ZNF223: variants seen among roughly 807,000 people sequenced by gnomAD.
ZNF223 encodes Homo sapiens zinc finger protein 223.
ZNF223 carries 9 observed loss-of-function variants against 12.3 expected under a neutral mutation model. That is an observed-to-expected ratio of 0.73 (90% CI 0.44 to 1.28). ZNF223 has a LOEUF of 1.28. Among genes scored for constraint, ZNF223 ranks in the 50% most tolerant of loss-of-function variants. The probability of loss-of-function intolerance (pLI) is 0.00; values close to 1 mark genes in which losing one functional copy is unlikely to be tolerated. For missense variants in ZNF223, 506 were observed against 579.0 expected, an observed-to-expected ratio of 0.87 and a Z score of 1.29; for synonymous variants, 171 against 195.2, an observed-to-expected ratio of 0.88 and a Z score of 1.03.
intron 2 of ZNF223, among the ~76,000 whole-genome samples, chr19:44,056,688 G>C (rs1976772859): frequency 7.4e-6 from 1 of 135,430 alleles, no homozygotes; most frequent in Admixed American, 8.0e-5. Flanking sequence ...CTGCCTCCCG[G>C]GTTTACGCCG....
rs540846802 is a variant in ZNF223, at chr19:44,066,364, A to G, written c.536A>G (p.Asp179Gly). ...IRSAEKSHSCDECGKSFCYIS... is the reference protein window; with the variant it reads ...IRSAEKSHSCGECGKSFCYIS... ...TCAGCAGAGAAGTCTCATTCCTGTGATGAGTGTGGAAAAAGCTTCTGTTAC... is the reference window on the plus strand; with the variant it reads ...TCAGCAGAGAAGTCTCATTCCTGTGGTGAGTGTGGAAAAAGCTTCTGTTAC... Residue 179 changes from aspartate (D) to glycine (G), a missense_variant, in exon 5 of 5, where the codon GAT becomes GGT. By Grantham distance (94) the Asp-to-Gly change is moderately conservative (BLOSUM62 -1). Coordinates refer to ENST00000434772, the MANE Select transcript of ZNF223 (RefSeq NM_013361.6). 7 of 1,614,226 alleles carry G rather than the reference A, an allele frequency of 4.3e-6. No individual in the cohort carries two copies. In the Admixed American group the frequency reaches 8.3e-5, roughly 19 times the overall value.
chr19:44,053,494 G>A (rs920348294), intron 1 of ZNF223, among the ~76,000 whole-genome samples: 10 of 152,166 alleles, frequency 6.6e-5, no homozygotes, highest in African/African-American at 2.2e-4. Context: ...CAGTATTGCC[G>A]CCAGTATGTC....
intron 2 of ZNF223, 97 bp downstream of exon 2, chr19:44,055,288 C>A: frequency 7.2e-7 from 1 of 1,384,760 alleles, no homozygotes; most frequent in Non-Finnish European, 1.0e-6. Flanking sequence ...AGGAGAACAG[C>A]AGGACTTTGA....
intron 4 of ZNF223, among the ~76,000 whole-genome samples, chr19:44,064,227 C>T (rs1038529596): frequency 6.6e-6 from 1 of 152,176 alleles, no homozygotes; most frequent in Non-Finnish European, 1.5e-5. Flanking sequence ...AACTTTATTT[C>T]AGCTCACTGA....
At chr19:44,060,918 C>A in intron 4 of ZNF223, 77 bp downstream of exon 4, 1 of 1,367,748 alleles carries the variant, frequency 7.3e-7, no homozygotes, top group Non-Finnish European at 1.0e-6. Context: ...ACTCCATTAC[C>A]TTCTTCTAAA....
At position 44,060,750 on chromosome 19, in the gene ZNF223, G is replaced by A. The variant is rs770481478; in HGVS notation, c.144G>A (p.Gly48=). ...GCATGTGACTTTTCCTGTTTACAGG[G>A]CATCAACCATTCCACCGAGATACTT... ...LENFRNLLSV[G]HQPFHRDTFH... Residue 48 remains glycine, a splice_region_variant and synonymous_variant, in exon 4 of 5, where the codon GGG becomes GGA. Transcript: ENST00000434772. 27 of 1,612,562 alleles carry A rather than the reference G, an allele frequency of 1.7e-5. No individual in the cohort carries two copies. The highest frequency in any genetic ancestry group is 5.4e-5 in the African/African-American group (4 of 74,420).
At chr19:44,061,045 G>T in intron 4 of ZNF223, 1 of 517,956 alleles carries the variant, frequency 1.9e-6, no homozygotes, top group Non-Finnish European at 3.5e-6. Context: ...CTTAGGACAT[G>T]GATGTCAGAT....
chr19:44,067,028 T>C lies in ZNF223; in HGVS notation c.1200T>C (p.Tyr400=), dbSNP rs775894876. The C allele has an allele frequency of 6.2e-7, 1 of 1,613,106 alleles. No homozygotes were observed. Among genetic ancestry groups the C allele is most frequent in the South Asian group, 1.1e-5 (1 of 91,042 alleles). The stretch of plus-strand genomic sequence containing the variant: ...GAGCCCACACAGGAGAGAGACCTTA[T>C]AACTGTGATGACTGTGGGAAGAGCT... The part of the protein sequence containing the change: ...HHRAHTGERP[Y]NCDDCGKSFR... The change falls in exon 5 of 5, where the codon TAT becomes TAC. Residue 400 remains tyrosine (Y), a synonymous_variant. Coordinates refer to ENST00000434772, the MANE Select transcript of ZNF223 (RefSeq NM_013361.6).
chr19:44,064,075 A>G, intron 4 of ZNF223, among the ~76,000 whole-genome samples: 1 of 152,230 alleles, frequency 6.6e-6, no homozygotes, highest in East Asian at 1.9e-4. Flanking sequence ...CTCTTTCAGT[A>G]TAACCTGGAC....
At chr19:44,054,237 A>G (rs1246559532) in intron 1 of ZNF223, among the ~76,000 whole-genome samples, 1 of 151,644 alleles carries the variant, frequency 6.6e-6, no homozygotes, top group Non-Finnish European at 1.5e-5. Context: ...CAATGGTGCA[A>G]TAGGATGCCC....
intron 2 of ZNF223, among the ~76,000 whole-genome samples, chr19:44,057,992 C>T (rs575666165): frequency 6.6e-6 from 1 of 152,306 alleles, no homozygotes; most frequent in South Asian, 2.1e-4. Flanking sequence ...CAGATGGAAT[C>T]TTGACTGTAT....
intron 2 of ZNF223, among the ~76,000 whole-genome samples, chr19:44,056,189 C>T (rs1976760552): frequency 6.6e-6 from 1 of 151,886 alleles, no homozygotes; most frequent in Non-Finnish European, 1.5e-5. Context: ...TTCTTATCTC[C>T]AAATTCCTCC....
chr19:44,055,079 C>A, intron 1 of ZNF223, 30 bp from the exon 2 acceptor site: 1 of 1,281,712 alleles, frequency 7.8e-7, no homozygotes, highest in Non-Finnish European at 1.1e-6. Flanking sequence ...CCTTTCATGT[C>A]TCTTTTTCTG....
intron 2 of ZNF223, among the ~76,000 whole-genome samples, chr19:44,059,751 G>T (rs1199896513): frequency 6.6e-6 from 1 of 152,194 alleles, no homozygotes; most frequent in East Asian, 1.9e-4. Flanking sequence ...CAGTTGTTCA[G>T]TCAGGAAGGG....
Position 44,060,597 on chromosome 19 carries a change from T to C in ZNF223, c.142+16T>C. The C allele has an allele frequency of 6.2e-7, 1 of 1,614,008 alleles. No individual in the cohort carries two copies. Among genetic ancestry groups the C allele is most frequent in the Non-Finnish European group, 8.5e-7 (1 of 1,179,952 alleles). ...CTGTCAGTGGGTGAGGACAGGCATC[T>C]TCTATAAGGGAATGTCAGGCCCCAG... On this transcript the variant is annotated intron_variant, in intron 3 of 4. Coordinates refer to ENST00000434772, the MANE Select transcript of ZNF223 (RefSeq NM_013361.6).
chr19:44,063,211 G>A (rs376982718), intron 4 of ZNF223: 1 of 152,190 alleles, frequency 6.6e-6, no homozygotes, highest in African/African-American at 2.4e-5. Context: ...CATCTTTGCG[G>A]GCAGGAACTT....
At chr19:44,064,265 A>T (rs1468505477) in intron 4 of ZNF223, among the ~76,000 whole-genome samples, 3 of 152,194 alleles carry the variant, frequency 2.0e-5, no homozygotes, top group African/African-American at 4.8e-5. Flanking sequence ...AAAAACAGTT[A>T]AAAAGGCCTG....
Position 44,067,490 on chromosome 19 carries a change from T to TA in ZNF223, c.*214dup, listed in dbSNP as rs1168083699. 1 of 655,672 alleles carries TA rather than the reference T, an allele frequency of 1.5e-6. No individual in the cohort carries two copies. Among genetic ancestry groups the TA allele is most frequent in the Non-Finnish European group, 2.7e-6 (1 of 370,748 alleles). The allele number at this position is 655,672 out of a possible 1,614,324, so 40.6% of individuals were successfully genotyped here. A position where few individuals can be genotyped will look rare whatever the true frequency, so the allele number is the denominator to read the frequency against. ...GCAGAACAGCAGAACTTCTTCCTCT[T>TA]ATCTACCTGTACTTTTGCATCCATT... On this transcript the variant is annotated 3_prime_UTR_variant, in exon 5 of 5. Coordinates refer to ENST00000434772, the MANE Select transcript of ZNF223 (RefSeq NM_013361.6).
chr19:44,060,346 C>G, intron 2 of ZNF223, 109 bp from the exon 3 acceptor site: 2 of 1,518,970 alleles, frequency 1.3e-6, no homozygotes, highest in East Asian at 2.3e-5. Context: ...ACCTACATCT[C>G]TGAAGATCCT....
Sources: gnomAD v4.1 joint callset for allele counts (sites outside exome capture counted in the v4.1 genomes callset) on GRCh38, gnomAD v4.1.1 for gene constraint, MANE v1.5 for transcripts, NCBI Gene and HGNC (gene_info 2026-07-23, HGNC 2026-07-21) for gene names.